Variants in HMCN2 observed in about 807,000 individuals in gnomAD.
HMCN2 encodes the protein hemicentin 2.
In HMCN2, 325 loss-of-function variants were observed where a neutral mutation model predicts 377.5. That is an observed-to-expected ratio of 0.86 (90% CI 0.79 to 0.94). The LOEUF is 0.94. HMCN2 is among the 40% of genes least tolerant of loss of function. The probability of loss-of-function intolerance (pLI) is 0.00; values close to 1 mark genes in which losing one functional copy is unlikely to be tolerated. For synonymous variants in HMCN2, 2,007 were observed against 2,046.8 expected (o/e 0.98, Z 0.53); for missense variants, 4,543 against 4,725.3 (o/e 0.96, Z 1.13).
rs1226032344 is a variant in HMCN2, at chr9:130,377,808, C to T, written c.8212+9C>T. ...CAACGTGCTCATCCAGGGTGCGTGGCGCCAGTGGGCCAGGGGTGGGGCGTC... is the reference window on the plus strand; with the variant it reads ...CAACGTGCTCATCCAGGGTGCGTGGTGCCAGTGGGCCAGGGGTGGGGCGTC... On this transcript the variant is annotated intron_variant, in intron 53 of 97. Coordinates refer to ENST00000683500, the MANE Select transcript of HMCN2 (RefSeq NM_001291815.2). 4 of 985,858 alleles carry T rather than the reference C, an allele frequency of 4.1e-6. No homozygotes were observed. Among genetic ancestry groups the T allele is most frequent in the South Asian group, 4.7e-5 (1 of 21,298 alleles). The allele number at this position is 985,858 out of a possible 1,614,324, so 61.1% of individuals were successfully genotyped here.
chr9:130,431,635 T>C, intron 96 of HMCN2, 149 bp downstream of exon 96: 1 of 1,196,598 alleles, frequency 8.4e-7, no homozygotes, highest in Non-Finnish European at 1.1e-6. Flanking sequence ...CTCAGAGGGG[T>C]TCTGTGAACA....
intron 22 of HMCN2, among the ~76,000 whole-genome samples, chr9:130,336,832 T>C (rs1838778198): frequency 6.6e-6 from 1 of 151,078 alleles, no homozygotes; most frequent in Non-Finnish European, 1.5e-5. Flanking sequence ...CCATGTCTCA[T>C]GTGATCCTTG....
intron 3 of HMCN2, among the ~76,000 whole-genome samples, chr9:130,285,562 C>T (rs1472232257): frequency 6.6e-6 from 1 of 152,234 alleles, no homozygotes; most frequent in Non-Finnish European, 1.5e-5. Context: ...CAGCTTGTTC[C>T]TGTTGGAGAC....
intron 8 of HMCN2, among the ~76,000 whole-genome samples, chr9:130,302,049 C>CTTTTTTTTTTTT (rs60456645): frequency 6.8e-6 from 1 of 147,452 alleles, no homozygotes; most frequent in Non-Finnish European, 1.5e-5. Context: ...TCTAGCTGTG[C>CTTTTTTTTTTTT]TTTTTTTTTT....
rs1837058100 is a variant in HMCN2 at position 130,308,988 on chromosome 9, T to C, written c.2201-924T>C. Among the ~76,000 whole-genome samples, 1 of 152,136 alleles carries C rather than the reference T, an allele frequency of 6.6e-6. No individual in the cohort carries two copies. Among genetic ancestry groups the C allele is most frequent in the South Asian group, 2.1e-4 (1 of 4,826 alleles). On this transcript the variant is annotated intron_variant, in intron 14 of 97. Coordinates refer to ENST00000683500, the MANE Select transcript of HMCN2 (RefSeq NM_001291815.2). This position sits in a 1 kb window ranked among gnomAD's most constrained non-coding sequence, Gnocchi z 4.1. ...TGTTGAATAGGTATGGAGTTTCTGT[T>C]TGGGGAGATGCAAACAGTTCTGTGG...
At chr9:130,281,889 CAAAAA>C in intron 1 of HMCN2, among the ~76,000 whole-genome samples, 1 of 58,914 alleles carries the variant, frequency 1.7e-5, no homozygotes, top group African/African-American at 6.7e-5. Context: ...GACTCCATCT[CAAAAA>C]AAAAAAAAAA....
intron 7 of HMCN2, among the ~76,000 whole-genome samples, chr9:130,298,135 G>T (rs565374991): frequency 6.6e-6 from 1 of 152,260 alleles, no homozygotes; most frequent in South Asian, 2.1e-4. Context: ...TGTATTTTTA[G>T]TAGAGACAGG....
At position 130,430,151 on chromosome 9, in the gene HMCN2, G is replaced by T. The variant is rs1357262117; in HGVS notation, c.14327-133G>T. ...GGTCCGGGAGAGGGGGATGCAGCGT[G>T]GCTCACATGCAGCATGGGAGTGGCT... On this transcript the variant is annotated intron_variant, in intron 94 of 97. Coordinates refer to ENST00000683500, the MANE Select transcript of HMCN2 (RefSeq NM_001291815.2). 5.4e-6 allele frequency: 4 copies of T among 741,906 alleles called. No homozygotes were observed. The African/African-American group carries it at 7.1e-5, about 13-fold the overall frequency. 46.0% of individuals were successfully genotyped at this position (741,906 alleles called of 1,614,324 possible).
Position 130,391,940 on chromosome 9 carries a change from C to T in HMCN2, c.9958C>T (p.Pro3320Ser). Residue 3320 changes from proline (P) to serine (S), a missense_variant, in exon 66 of 98, where the codon CCC becomes TCC. By Grantham distance (74) the Pro-to-Ser change is moderately conservative. Coordinates refer to ENST00000683500, the MANE Select transcript of HMCN2 (RefSeq NM_001291815.2). Reference protein sequence around the residue: ...RLHTVNVLVPPTIKQGADGSG... With the variant: ...RLHTVNVLVPSTIKQGADGSG... ...TTTTTTCTACCCACCCTCAGTTCCTCCCACCATCAAGCAGGGAGCAGACGG... is the reference window on the plus strand; with the variant it reads ...TTTTTTCTACCCACCCTCAGTTCCTTCCACCATCAAGCAGGGAGCAGACGG... The T allele has an allele frequency of 1.0e-6, 1 of 988,148 alleles. No homozygotes were observed. The highest frequency in any genetic ancestry group is 1.2e-6 in the Non-Finnish European group (1 of 830,246). The allele number at this position is 988,148 out of a possible 1,614,324, so 61.2% of individuals were successfully genotyped here.
chr9:130,370,179 T>C (rs925369264), intron 45 of HMCN2, among the ~76,000 whole-genome samples: 1 of 152,078 alleles, frequency 6.6e-6, no homozygotes, highest in Non-Finnish European at 1.5e-5. Context: ...ATGGGGAGAA[T>C]TCAGGGGCTT....
Position 130,353,194 on chromosome 9 carries a change from T to C in HMCN2, c.4853T>C (p.Leu1618Pro). 1.5e-6 allele frequency: 2 copies of C among 1,303,480 alleles called. No homozygotes were observed. The highest frequency in any genetic ancestry group is 2.5e-5 in the South Asian group (2 of 80,990). The allele number at this position is 1,303,480 out of a possible 1,614,324, so 80.7% of individuals were successfully genotyped here. ...GGGGCCGCAGAGAAGGCCACCAGGCTGGATGTTTATGGTGAGCAGCCAGGG... is the reference window on the plus strand; with the variant it reads ...GGGGCCGCAGAGAAGGCCACCAGGCCGGATGTTTATGGTGAGCAGCCAGGG... ...AVGAAEKATR[L>P]DVYVPPTIEG... The change falls in exon 31 of 98, where the codon CTG (leucine) becomes CCG (proline). Residue 1618 changes from leucine (L) to proline (P), a missense_variant. Around this residue, in one of 5 missense-constraint regions of HMCN2, gnomAD observed 1,032 missense variants for 1,285.1 expected, o/e 0.80. Coordinates refer to ENST00000683500, the MANE Select transcript of HMCN2 (RefSeq NM_001291815.2).
chr9:130,327,707 C>T (rs1838215788), intron 22 of HMCN2, among the ~76,000 whole-genome samples: 2 of 152,180 alleles, frequency 1.3e-5, no homozygotes, highest in Non-Finnish European at 2.9e-5. Context: ...ATAACATGCA[C>T]GGGGCATTGC....
intron 61 of HMCN2, among the ~76,000 whole-genome samples, chr9:130,387,259 A>G (rs1842073086): frequency 6.6e-6 from 1 of 152,196 alleles, no homozygotes; most frequent in Non-Finnish European, 1.5e-5. Flanking sequence ...GTTAGAATAG[A>G]GACTTAGCCG....
chr9:130,362,972 G>A lies in HMCN2; in HGVS notation c.6214G>A (p.Val2072Ile). 7 of 985,920 alleles carry A rather than the reference G, an allele frequency of 7.1e-6. No homozygotes were observed. Among genetic ancestry groups the A allele is most frequent in the Non-Finnish European group, 8.4e-6 (7 of 829,998 alleles). 61.1% of individuals were successfully genotyped at this position (985,920 alleles called of 1,614,324 possible). A position where few individuals can be genotyped will look rare whatever the true frequency, so the allele number is the denominator to read the frequency against. Reference protein sequence around the residue: ...VSAVGEDRQDVVLQVHMPPSI... With the variant: ...VSAVGEDRQDIVLQVHMPPSI... ...CGCGGTGGGCGAGGACCGCCAGGATGTTGTCCTGCAAGTCCACAGTGAGTC... is the reference window on the plus strand; with the variant it reads ...CGCGGTGGGCGAGGACCGCCAGGATATTGTCCTGCAAGTCCACAGTGAGTC... Residue 2072 changes from valine to isoleucine, a missense_variant, in exon 40 of 98, where the codon GTT becomes ATT. Val to Ile is a conservative substitution (Grantham distance 29, BLOSUM62 3). This residue lies in a region of HMCN2 where 1,032 missense variants were observed against 1,285.1 expected (regional missense o/e 0.80). Coordinates refer to ENST00000683500, the MANE Select transcript of HMCN2 (RefSeq NM_001291815.2).
chr9:130,344,500 G>A (rs1411728774), intron 25 of HMCN2, among the ~76,000 whole-genome samples: 1 of 150,736 alleles, frequency 6.6e-6, no homozygotes, highest in African/African-American at 2.4e-5. Context: ...TGTGTGTGGT[G>A]TATGTATGTG....
intron 85 of HMCN2, among the ~76,000 whole-genome samples, chr9:130,417,076 T>C (rs1843733227): frequency 6.7e-6 from 1 of 149,736 alleles, no homozygotes; most frequent in Non-Finnish European, 1.5e-5. Context: ...CACACCTGGC[T>C]AATTTTTGTA....
At chr9:130,323,344 ACCC>A (rs1837950385) in intron 19 of HMCN2, among the ~76,000 whole-genome samples, 1 of 151,896 alleles carries the variant, frequency 6.6e-6, no homozygotes, top group Non-Finnish European at 1.5e-5. Context: ...ATGCCTAGTT[ACCC>A]CTCTCTCGCT....
chr9:130,285,281 G>T lies in HMCN2; in HGVS notation c.454G>T (p.Glu152Ter), dbSNP rs1835358935. 1 of 471,094 alleles carries T rather than the reference G, an allele frequency of 2.1e-6. No homozygotes were observed. The highest frequency in any genetic ancestry group is 1.5e-5 in the South Asian group (1 of 64,578). The allele number at this position is 471,094 out of a possible 1,614,324, so 29.2% of individuals were successfully genotyped here. A position where few individuals can be genotyped will look rare whatever the true frequency, so the allele number is the denominator to read the frequency against. Reference sequence around the variant, plus strand: ...CGCCAAAGACTATCACAAGAAGGAAGAGCTGCTGCGGCTCCTGCAGCTCAA... The same window carrying T: ...CGCCAAAGACTATCACAAGAAGGAATAGCTGCTGCGGCTCCTGCAGCTCAA... ...ARAKDYHKKEELLRLLQLKQS... is the reference protein window; with the variant it reads ...ARAKDYHKKE Residue 152 changes from glutamate to a stop codon, truncating the protein, a stop_gained, in exon 3 of 98, where the codon GAG becomes TAG. Coordinates refer to ENST00000683500, the MANE Select transcript of HMCN2 (RefSeq NM_001291815.2). LOFTEE classifies it high-confidence loss of function.
chr9:130,433,687 C>A lies in HMCN2; in HGVS notation c.15234C>A (p.Pro5078=). ...FVLLIAVSPY[P]Y Reference sequence around the variant, plus strand: ...TGCTCATCGCCGTGTCCCCCTACCCCTACTAAACGGGAGAGGGCATTGGCG... The same window carrying A: ...TGCTCATCGCCGTGTCCCCCTACCCATACTAAACGGGAGAGGGCATTGGCG... Residue 5078 remains proline (P), a synonymous_variant, in exon 98 of 98, where the codon CCC becomes CCA. Coordinates refer to ENST00000683500, the MANE Select transcript of HMCN2 (RefSeq NM_001291815.2). The A allele has an allele frequency of 6.7e-7, 1 of 1,481,804 alleles. No individual in the cohort carries two copies. Among genetic ancestry groups the A allele is most frequent in the Non-Finnish European group, 8.9e-7 (1 of 1,120,180 alleles). 91.8% of individuals were successfully genotyped at this position (1,481,804 alleles called of 1,614,324 possible).
Sources: gnomAD v4.1 joint callset for allele counts (sites outside exome capture counted in the v4.1 genomes callset) on GRCh38, gnomAD v4.1.1 for gene constraint, gnomAD v4.1.1 regional missense constraint, Gnocchi (gnomAD v3.1) non-coding constraint, MANE v1.5 for transcripts, NCBI Gene and HGNC (gene_info 2026-07-23, HGNC 2026-07-21) for gene names.